The following CNTN5 variants were observed in gnomAD, a reference collection of about 807,000 sequenced individuals.
The protein encoded by CNTN5 is contactin-5.
A neutral mutation model predicts 129.1 loss-of-function variants in CNTN5; 77 were observed. That is an observed-to-expected ratio of 0.60 (90% CI 0.50 to 0.72). The LOEUF (loss-of-function observed/expected upper bound fraction) is 0.72. CNTN5 is among the 30% of genes least tolerant of loss of function. The pLI is 0.00. For synonymous variants in CNTN5, 509 were observed against 465.6 expected (o/e 1.09, Z -1.20); for missense variants, 1,478 against 1,328.8 (o/e 1.11, Z -1.75).
intron 6 of CNTN5, among the ~76,000 whole-genome samples, chr11:99,872,540 C>T (rs1948529356): frequency 6.6e-6 from 1 of 152,044 alleles, no homozygotes; most frequent in Non-Finnish European, 1.5e-5. Flanking sequence ...TGAAGATACC[C>T]TGCAGAAGAG....
chr11:99,320,607 T>C (rs973795736), intron 1 of CNTN5, among the ~76,000 whole-genome samples: 1 of 152,006 alleles, frequency 6.6e-6, no homozygotes, highest in African/African-American at 2.4e-5. Flanking sequence ...AAAAGTGAAA[T>C]ATTGAGAATG....
At chr11:99,533,557 G>A (rs1017935027) in intron 2 of CNTN5, among the ~76,000 whole-genome samples, 1 of 152,230 alleles carries the variant, frequency 6.6e-6, no homozygotes, top group South Asian at 2.1e-4. Flanking sequence ...GGCAATGGGG[G>A]CTTCAGTAGG....
At chr11:99,654,722 A>G (rs1445319684) in intron 3 of CNTN5, among the ~76,000 whole-genome samples, 3 of 152,052 alleles carry the variant, frequency 2.0e-5, no homozygotes, top group African/African-American at 4.8e-5. Flanking sequence ...ATTTTCTATA[A>G]TGCTCGTTTA....
At chr11:99,451,731 C>T (rs1000378896) in intron 2 of CNTN5, among the ~76,000 whole-genome samples, 1 of 151,994 alleles carries the variant, frequency 6.6e-6, no homozygotes, top group Non-Finnish European at 1.5e-5. Flanking sequence ...AACATAGTAC[C>T]TAGATAAAAG....
intron 1 of CNTN5, among the ~76,000 whole-genome samples, chr11:99,068,173 A>C (rs1186527153): frequency 6.6e-6 from 1 of 152,130 alleles, no homozygotes; most frequent in African/African-American, 2.4e-5. Flanking sequence ...AGTTCTTTAT[A>C]GCAGTGTAAA....
At chr11:99,805,047 C>G (rs1055003854) in intron 3 of CNTN5, among the ~76,000 whole-genome samples, 2 of 152,040 alleles carry the variant, frequency 1.3e-5, no homozygotes, top group South Asian at 4.2e-4. Flanking sequence ...TGAGAGAAAA[C>G]AGGAAATGGA....
intron 3 of CNTN5, among the ~76,000 whole-genome samples, chr11:99,791,490 C>T (rs1372122599): frequency 2.6e-5 from 4 of 151,948 alleles, no homozygotes; most frequent in African/African-American, 4.8e-5. Flanking sequence ...CTATTTTCTT[C>T]TATTCATCTA....
intron 7 of CNTN5, among the ~76,000 whole-genome samples, chr11:99,944,996 T>C (rs1419259451): frequency 1.3e-5 from 2 of 152,036 alleles, no homozygotes; most frequent in Non-Finnish European, 2.9e-5. Context: ...AATAACATGA[T>C]GAAAGACACA....
chr11:99,449,212 C>T (rs577165845), intron 2 of CNTN5, among the ~76,000 whole-genome samples: 19 of 152,212 alleles, frequency 1.2e-4, no homozygotes, highest in South Asian at 1.2e-3. Context: ...CTTTTTAACT[C>T]GTTTTCAGAA....
At chr11:99,581,570 C>A (rs1434066665) in intron 3 of CNTN5, among the ~76,000 whole-genome samples, 1 of 151,876 alleles carries the variant, frequency 6.6e-6, no homozygotes, top group Non-Finnish European at 1.5e-5. Flanking sequence ...TGAATTGATC[C>A]CTTTACCGTT....
At chr11:99,630,533 C>T (rs7103504) in intron 3 of CNTN5, among the ~76,000 whole-genome samples, 20,072 of 151,790 alleles carry the variant, frequency 0.13, 1,435 homozygotes, top group South Asian at 0.23. Context: ...CCTCACCCCC[C>T]GTTTCACACA....
intron 3 of CNTN5, among the ~76,000 whole-genome samples, chr11:99,679,465 A>G (rs1953457194): frequency 1.3e-5 from 2 of 151,946 alleles, no homozygotes; most frequent in Non-Finnish European, 2.9e-5. Context: ...TATTAATATT[A>G]TGTCTCTTAA....
At chr11:100,309,208 T>A (rs1026556446) in intron 21 of CNTN5, 1 of 984,858 alleles carries the variant, frequency 1.0e-6, no homozygotes, top group Non-Finnish European at 1.2e-6. Context: ...TTTAGTTGCA[T>A]TTAAAAAAAT....
chr11:100,347,432 T>C (rs902916285), intron 23 of CNTN5, among the ~76,000 whole-genome samples: 18 of 152,144 alleles, frequency 1.2e-4, no homozygotes, highest in Admixed American at 1.2e-3. Context: ...AGCTGGAAGA[T>C]AGGTACATGA....
intron 1 of CNTN5, among the ~76,000 whole-genome samples, chr11:99,084,039 A>T (rs1865906175): frequency 6.6e-6 from 1 of 152,198 alleles, no homozygotes; most frequent in Admixed American, 6.5e-5. Context: ...GGAGATCTTC[A>T]GTTATTATTT....
At chr11:99,380,213 A>C (rs888580463) in intron 2 of CNTN5, among the ~76,000 whole-genome samples, 3 of 152,064 alleles carry the variant, frequency 2.0e-5, no homozygotes, top group African/African-American at 7.2e-5. Flanking sequence ...TGTTTGGTGC[A>C]AAGGACCAAA....
chr11:99,117,294 A>G (rs1565330349), intron 1 of CNTN5, among the ~76,000 whole-genome samples: 1 of 152,154 alleles, frequency 6.6e-6, no homozygotes, highest in Non-Finnish European at 1.5e-5. Context: ...GAACTCACCC[A>G]TATAATCAGC....
intron 13 of CNTN5, among the ~76,000 whole-genome samples, chr11:100,131,700 A>G (rs1041565204): frequency 5.3e-5 from 8 of 152,072 alleles, no homozygotes; most frequent in African/African-American, 1.9e-4. Context: ...GTCTGAAAAT[A>G]AAGCCAAAGG....
chr11:99,179,912 T>G (rs1857960864), intron 1 of CNTN5, among the ~76,000 whole-genome samples: 1 of 152,230 alleles, frequency 6.6e-6, no homozygotes, highest in Non-Finnish European at 1.5e-5. Flanking sequence ...ACCACTATTT[T>G]TATTCAGTTT....
Sources: gnomAD v4.1 joint callset for allele counts (sites outside exome capture counted in the v4.1 genomes callset) on GRCh38, gnomAD v4.1.1 for gene constraint, MANE v1.5 for transcripts, NCBI Gene and HGNC (gene_info 2026-07-23, HGNC 2026-07-21) for gene names.